The following CD86 variants were observed in gnomAD, a reference collection of about 807,000 sequenced individuals.
CD86 encodes the protein CD86 molecule.
In CD86, 11 loss-of-function variants were observed where a neutral mutation model predicts 32.1. The observed-to-expected ratio is 0.34, with a 90% CI of 0.22 to 0.57. CD86 has a LOEUF of 0.57. Among genes scored for constraint, CD86 ranks in the 20% least tolerant of loss-of-function variants. CD86 has a pLI of 0.86. For missense variants in CD86, 359 were observed against 398.4 expected, an observed-to-expected ratio of 0.90 and a Z score of 0.84; for synonymous variants, 137 against 135.3, an observed-to-expected ratio of 1.01 and a Z score of -0.09.
chr3:122,087,308 T>C (rs2072740003), intron 1 of CD86, among the ~76,000 whole-genome samples: 1 of 152,184 alleles, frequency 6.6e-6, no homozygotes, highest in South Asian at 2.1e-4. Flanking sequence ...AATTCTTAGG[T>C]TCTTTCCTCT....
At chr3:122,118,275 A>G (rs377493413) in intron 6 of CD86, among the ~76,000 whole-genome samples, 182 bp downstream of exon 6, 4 of 152,236 alleles carry the variant, frequency 2.6e-5, no homozygotes, top group Non-Finnish European at 5.9e-5. Context: ...ATGACAGGGT[A>G]TCCAATGCAC....
chr3:122,080,379 G>A (rs937128454), intron 1 of CD86, among the ~76,000 whole-genome samples: 2 of 152,098 alleles, frequency 1.3e-5, no homozygotes, highest in African/African-American at 2.4e-5. Flanking sequence ...GATACAACTC[G>A]GAGAACTAGG....
intron 5 of CD86, among the ~76,000 whole-genome samples, chr3:122,113,059 A>G (rs1163433692): frequency 6.6e-6 from 1 of 152,152 alleles, no homozygotes; most frequent in Non-Finnish European, 1.5e-5. Context: ...ATGTCTTTGC[A>G]TCCTCATAGT....
intron 2 of CD86, 71 bp from the exon 3 acceptor site, chr3:122,103,441 T>C: frequency 1.0e-6 from 1 of 962,462 alleles, no homozygotes. Flanking sequence ...GGGTATTGTA[T>C]AAAGAGAAAT....
In CD86 at chr3:122,065,115, T is replaced by C. The variant is rs149634086; in HGVS notation, c.14+9612T>C. Among the ~76,000 whole-genome samples the C allele has an allele frequency of 4.6e-3, 693 of 152,294 alleles. 4 individuals carry two copies. The highest frequency in any genetic ancestry group is 0.015 in the African/African-American group (639 of 41,560). On this transcript the variant is annotated intron_variant, in intron 1 of 6. Coordinates refer to ENST00000330540, the MANE Select transcript of CD86 (RefSeq NM_175862.5). ...AAGTGAAAACTGAGTCTCTCTTAGTTACATAGCTGACAACACAACCAGGAT... is the reference window on the plus strand; with the variant it reads ...AAGTGAAAACTGAGTCTCTCTTAGTCACATAGCTGACAACACAACCAGGAT...
intron 5 of CD86, among the ~76,000 whole-genome samples, chr3:122,117,375 C>A (rs1006332477): frequency 6.6e-6 from 1 of 152,202 alleles, no homozygotes; most frequent in African/African-American, 2.4e-5. Flanking sequence ...AAGACAGAAT[C>A]ACAAAACCAT....
intron 1 of CD86, among the ~76,000 whole-genome samples, chr3:122,080,995 C>T (rs1489435208): frequency 6.6e-6 from 1 of 152,180 alleles, no homozygotes. Flanking sequence ...TCTTGATCAC[C>T]CTGATACCAG....
chr3:122,117,970 T>C (rs1020440980), intron 5 of CD86, 78 bp from the exon 6 acceptor site: 14 of 1,221,908 alleles, frequency 1.1e-5, no homozygotes, highest in African/African-American at 6.0e-5. Context: ...TCCCAGAACT[T>C]TGAAGCCTTT....
chr3:122,100,998 C>T (rs942542263), intron 2 of CD86, among the ~76,000 whole-genome samples: 1 of 152,210 alleles, frequency 6.6e-6, no homozygotes, highest in East Asian at 1.9e-4. Context: ...GCAGCATCCC[C>T]CATGCCTGGC....
intron 5 of CD86, among the ~76,000 whole-genome samples, chr3:122,116,710 G>C (rs1245694572): frequency 2.6e-5 from 4 of 152,148 alleles, no homozygotes; most frequent in Admixed American, 2.6e-4. Flanking sequence ...CAAAGCTATA[G>C]AAAGGAATGG....
intron 1 of CD86, chr3:122,086,514 AG>A (rs756527424): frequency 4.2e-5 from 19 of 449,062 alleles, no homozygotes; most frequent in Non-Finnish European, 6.8e-5. Context: ...TTTCTGCCCA[AG>A]TAGTCATATT....
Position 122,119,501 on chromosome 3 carries a change from A to C in CD86, c.957A>C (p.Thr319=). Residue 319 remains threonine (T), a synonymous_variant, in exon 7 of 7, where the codon ACA becomes ACC. Transcript: ENST00000330540. The part of the protein sequence containing the change: ...EAQRVFKSSK[T]SSCDKSDTCF ...AGCGTGTTTTTAAAAGTTCGAAGACATCTTCATGCGACAAAAGTGATACAT... is the reference window on the plus strand; with the variant it reads ...AGCGTGTTTTTAAAAGTTCGAAGACCTCTTCATGCGACAAAAGTGATACAT... 1 of 1,610,178 alleles carries C rather than the reference A, an allele frequency of 6.2e-7. No individual in the cohort carries two copies. Among genetic ancestry groups the C allele is most frequent in the Non-Finnish European group, 8.5e-7 (1 of 1,176,448 alleles).
At chr3:122,088,543 A>G (rs2072762174) in intron 1 of CD86, among the ~76,000 whole-genome samples, 1 of 152,186 alleles carries the variant, frequency 6.6e-6, no homozygotes, top group African/African-American at 2.4e-5. Context: ...GAGTTTGGGC[A>G]TTACCTATTG....
intron 2 of CD86, among the ~76,000 whole-genome samples, chr3:122,100,359 T>G (rs903410537): frequency 6.6e-6 from 1 of 152,178 alleles, no homozygotes; most frequent in Non-Finnish European, 1.5e-5. Context: ...TGGCTTCCTT[T>G]GGGTGAAGCC....
intron 2 of CD86, among the ~76,000 whole-genome samples, chr3:122,092,647 A>T (rs1453768211): frequency 6.6e-6 from 1 of 152,136 alleles, no homozygotes; most frequent in Non-Finnish European, 1.5e-5. Flanking sequence ...AGTGTCTCGT[A>T]GTTACTCCTG....
At chr3:122,083,553 G>T (rs2072666576) in intron 1 of CD86, among the ~76,000 whole-genome samples, 2 of 152,158 alleles carry the variant, frequency 1.3e-5, no homozygotes, top group African/African-American at 4.8e-5. Flanking sequence ...AAACTTAGCA[G>T]CTTAGAACAA....
chr3:122,073,725 T>G (rs960673460), intron 1 of CD86, among the ~76,000 whole-genome samples: 1 of 149,150 alleles, frequency 6.7e-6, no homozygotes, highest in African/African-American at 2.6e-5. Flanking sequence ...AACCCAGTCC[T>G]GAGCTGCATC....
At chr3:122,092,882 C>A (rs1057460395) in intron 2 of CD86, among the ~76,000 whole-genome samples, 1 of 152,238 alleles carries the variant, frequency 6.6e-6, no homozygotes, top group African/African-American at 2.4e-5. Flanking sequence ...GATGGTCCCT[C>A]AGATCCATGC....
At chr3:122,098,195 T>C (rs1240030575) in intron 2 of CD86, among the ~76,000 whole-genome samples, 1 of 152,180 alleles carries the variant, frequency 6.6e-6, no homozygotes, top group African/African-American at 2.4e-5. Context: ...CATGTCATGA[T>C]AAGTACCACA....
Sources: gnomAD v4.1 joint callset for allele counts (sites outside exome capture counted in the v4.1 genomes callset) on GRCh38, gnomAD v4.1.1 for gene constraint, MANE v1.5 for transcripts, NCBI Gene and HGNC (gene_info 2026-07-23, HGNC 2026-07-21) for gene names.